Variants in PTPRG observed in about 807,000 individuals in gnomAD.
PTPRG encodes the protein receptor-type tyrosine-protein phosphatase gamma.
A neutral mutation model predicts 165.3 loss-of-function variants in PTPRG; 102 were observed. The ratio of observed to expected loss-of-function variants is 0.62; its 90% confidence interval spans 0.53 to 0.73. PTPRG has a LOEUF of 0.73. PTPRG is among the 30% of genes least tolerant of loss of function. PTPRG has a pLI of 0.00. For missense variants in PTPRG, 1,866 were observed against 1,861.4 expected (o/e 1.00, Z -0.05); for synonymous variants, 675 against 669.5 (o/e 1.01, Z -0.13).
intron 5 of PTPRG, among the ~76,000 whole-genome samples, chr3:62,128,203 A>G (rs1703385434): frequency 6.6e-6 from 1 of 152,162 alleles, no homozygotes; most frequent in Admixed American, 6.5e-5. Flanking sequence ...AAGTTTTGCA[A>G]TGAGAGTACG....
At chr3:61,922,563 C>T (rs1423542594) in intron 2 of PTPRG, among the ~76,000 whole-genome samples, 1 of 152,204 alleles carries the variant, frequency 6.6e-6, no homozygotes, top group Admixed American at 6.5e-5. Context: ...GACTCAGGAG[C>T]CTGCACTTAA....
At chr3:61,752,974 G>A (rs1437938789) in intron 2 of PTPRG, among the ~76,000 whole-genome samples, 1 of 151,990 alleles carries the variant, frequency 6.6e-6, no homozygotes, top group African/African-American at 2.4e-5. Context: ...TTTTTGAAAT[G>A]TTAAACTTTA....
At chr3:62,269,265 G>A (rs1480257653) in intron 20 of PTPRG, 96 bp downstream of exon 20, 15 of 1,297,432 alleles carry the variant, frequency 1.2e-5, no homozygotes, top group African/African-American at 1.5e-5. Context: ...AACCAACTTG[G>A]TTTTTAAAAA....
chr3:61,704,160 G>T (rs926585734), intron 1 of PTPRG, among the ~76,000 whole-genome samples: 1 of 152,166 alleles, frequency 6.6e-6, no homozygotes, highest in East Asian at 1.9e-4. Flanking sequence ...GGCACAAATT[G>T]GTTGTCTGGG....
intron 2 of PTPRG, among the ~76,000 whole-genome samples, chr3:61,805,339 T>A (rs1477497443): frequency 6.6e-6 from 1 of 152,168 alleles, no homozygotes; most frequent in East Asian, 1.9e-4. Context: ...TTGTTGATAG[T>A]GCCAAGGTTA....
intron 1 of PTPRG, among the ~76,000 whole-genome samples, chr3:61,700,044 G>C (rs182734232): frequency 6.6e-6 from 1 of 152,114 alleles, no homozygotes; most frequent in Admixed American, 6.6e-5. Flanking sequence ...GCAGTGGTGA[G>C]GGGGTCTGTG....
At chr3:61,815,367 C>G (rs1273927589) in intron 2 of PTPRG, among the ~76,000 whole-genome samples, 2 of 151,998 alleles carry the variant, frequency 1.3e-5, no homozygotes, top group Admixed American at 1.3e-4. Context: ...CTGACTGTCA[C>G]ACTCCAGACT....
intron 14 of PTPRG, chr3:62,243,505 T>G (rs1478683375): frequency 9.3e-6 from 2 of 215,614 alleles, no homozygotes; most frequent in Admixed American, 5.7e-5. Flanking sequence ...ACCCTAGCAC[T>G]CTGTGTGGTA....
chr3:61,947,011 AAG>A (rs1326933510), intron 2 of PTPRG, among the ~76,000 whole-genome samples: 44 of 152,194 alleles, frequency 2.9e-4, no homozygotes, highest in African/African-American at 9.7e-4. Flanking sequence ...TTAAGTAAGG[AAG>A]AGTTTCAGAG....
chr3:62,125,181 A>G (rs1032515218), intron 5 of PTPRG, among the ~76,000 whole-genome samples: 5 of 152,196 alleles, frequency 3.3e-5, no homozygotes, highest in African/African-American at 1.2e-4. Flanking sequence ...TGATACCTAC[A>G]TGATATTTAC....
At chr3:61,842,078 A>G (rs1293794157) in intron 2 of PTPRG, among the ~76,000 whole-genome samples, 1 of 152,220 alleles carries the variant, frequency 6.6e-6, no homozygotes, top group Non-Finnish European at 1.5e-5. Flanking sequence ...TTCTAGTTTT[A>G]TTTAATAAAC....
At chr3:61,811,802 T>G (rs2107211503) in intron 2 of PTPRG, among the ~76,000 whole-genome samples, 1 of 152,228 alleles carries the variant, frequency 6.6e-6, no homozygotes, top group African/African-American at 2.4e-5. Context: ...ATATAAAAAT[T>G]CCCTCAAGAG....
At chr3:62,016,870 T>C (rs1259250654) in intron 4 of PTPRG, among the ~76,000 whole-genome samples, 1 of 152,202 alleles carries the variant, frequency 6.6e-6, no homozygotes, top group African/African-American at 2.4e-5. Context: ...TATCCCTCAC[T>C]CCTTTCCTAA....
rs572521600 is a variant in PTPRG at position 61,654,666 on chromosome 3, G to A, written c.85+92294G>A. ...CTCCCAAAGTGCTGGGATTACAGGCGTGAGCCACCATGCCTGGCCTATAAT... is the reference window on the plus strand; with the variant it reads ...CTCCCAAAGTGCTGGGATTACAGGCATGAGCCACCATGCCTGGCCTATAAT... On this transcript the variant is annotated intron_variant, in intron 1 of 29. Coordinates refer to ENST00000474889, the MANE Select transcript of PTPRG (RefSeq NM_002841.4). Among the ~76,000 whole-genome samples the A allele has an allele frequency of 7.6e-4, 116 of 152,032 alleles. 1 individual carries two copies. Among genetic ancestry groups the A allele is most frequent in the Non-Finnish European group, 5.1e-4 (35 of 68,008 alleles).
At chr3:61,605,208 TA>T (rs1432657130) in intron 1 of PTPRG, among the ~76,000 whole-genome samples, 4 of 152,202 alleles carry the variant, frequency 2.6e-5, no homozygotes, top group African/African-American at 4.8e-5. Context: ...AGGACTGTGT[TA>T]GGGGTGGGTT....
chr3:61,631,515 T>A (rs1445479320), intron 1 of PTPRG, among the ~76,000 whole-genome samples: 1 of 152,234 alleles, frequency 6.6e-6, no homozygotes, highest in East Asian at 1.9e-4. Context: ...TATAGTTGTA[T>A]AGAAAAACCA....
intron 28 of PTPRG, 36 bp downstream of exon 28, chr3:62,282,905 G>GT (rs767439132): frequency 6.4e-6 from 10 of 1,554,888 alleles, no homozygotes; most frequent in Non-Finnish European, 7.8e-6. Flanking sequence ...AATGTAGACC[G>GT]TTTTTTTGTT....
Position 62,123,554 on chromosome 3 carries a change from A to G in PTPRG, c.616-9048A>G, listed in dbSNP as rs377749189. Among the ~76,000 whole-genome samples the G allele has an allele frequency of 2.8e-4, 43 of 152,326 alleles. No homozygotes were observed. In the East Asian group the frequency reaches 4.2e-3, roughly 15 times the overall value. ...CTGGTCCTCTGAAATAAAGCAGGCA[A>G]TCACCATTCAATAAACACACTTGAT... On this transcript the variant is annotated intron_variant, in intron 5 of 29. Transcript: ENST00000474889.
intron 6 of PTPRG, among the ~76,000 whole-genome samples, chr3:62,138,296 T>A (rs188462099): frequency 1.8e-3 from 276 of 152,352 alleles, no homozygotes; most frequent in African/African-American, 6.3e-3. Flanking sequence ...AAATGATGTG[T>A]AACATAACCA....
Sources: allele counts gnomAD v4.1 joint callset (sites outside exome capture counted in the v4.1 genomes callset), GRCh38; gene constraint gnomAD v4.1.1; transcripts MANE v1.5; gene names NCBI Gene and HGNC (gene_info 2026-07-23, HGNC 2026-07-21).